Variants in SORCS1 observed in about 807,000 individuals in gnomAD.
The protein encoded by SORCS1 is VPS10 domain-containing receptor SorCS1.
Under a neutral mutation model 146.1 loss-of-function variants are expected in SORCS1, and 60 were observed. The observed-to-expected ratio is 0.41, with a 90% CI of 0.33 to 0.51. SORCS1 has a LOEUF of 0.51. Ranked by LOEUF, SORCS1 falls within the 20% of genes least tolerant of loss-of-function variation. The pLI, the probability that SORCS1 is intolerant of heterozygous loss-of-function variation, is 0.21. For missense variants in SORCS1, 1,352 were observed against 1,487.6 expected (o/e 0.91, Z 1.50); for synonymous variants, 637 against 584.0 (o/e 1.09, Z -1.31).
upstream of SORCS1, among the ~76,000 whole-genome samples, chr10:107,168,997 C>T (rs1970106826): frequency 6.6e-6 from 1 of 152,038 alleles, no homozygotes; most frequent in African/African-American, 2.4e-5. Context: ...ATATACTCCC[C>T]ATTTCTATTT....
Position 106,610,780 on chromosome 10 carries a change from C to T in SORCS1, c.3033+1131G>A, listed in dbSNP as rs747017598. Reference sequence around the variant, plus strand: ...CGGCTATCCCACTCCTCTGCTCACTCATGAAAGTAGAATAAGGGGCCGACG... The same window carrying T: ...CGGCTATCCCACTCCTCTGCTCACTTATGAAAGTAGAATAAGGGGCCGACG... On this transcript the variant is annotated intron_variant, in intron 22 of 25. Transcript: ENST00000263054. 4.0e-4 allele frequency among the ~76,000 whole-genome samples: 61 copies of T among 152,192 alleles called. 3 individuals carry two copies. Among genetic ancestry groups the T allele is most frequent in the Non-Finnish European group, 8.8e-5 (6 of 68,040 alleles).
chr10:106,991,860 C>T (rs1956784979), intron 1 of SORCS1, among the ~76,000 whole-genome samples: 1 of 152,146 alleles, frequency 6.6e-6, no homozygotes, highest in Admixed American at 6.6e-5. Flanking sequence ...TTTGCAGCTT[C>T]CTTTTACAAC....
chr10:106,862,582 G>A (rs1316762675), intron 2 of SORCS1, among the ~76,000 whole-genome samples: 1 of 151,914 alleles, frequency 6.6e-6, no homozygotes, highest in Non-Finnish European at 1.5e-5. Context: ...AACACACACA[G>A]TTTACCTTCC....
intron 2 of SORCS1, among the ~76,000 whole-genome samples, chr10:106,839,950 A>C (rs1462707758): frequency 6.6e-6 from 1 of 152,194 alleles, no homozygotes; most frequent in African/African-American, 2.4e-5. Context: ...CTCAGATAAA[A>C]AGATTCCTTT....
At chr10:106,866,448 A>G (rs1950224228) in intron 2 of SORCS1, among the ~76,000 whole-genome samples, 1 of 152,150 alleles carries the variant, frequency 6.6e-6, no homozygotes, top group Non-Finnish European at 1.5e-5. Flanking sequence ...AGACATGCAA[A>G]AGACCTTTAG....
chr10:106,786,508 T>C (rs979202096), intron 3 of SORCS1, among the ~76,000 whole-genome samples: 3 of 152,162 alleles, frequency 2.0e-5, no homozygotes, highest in Non-Finnish European at 4.4e-5. Flanking sequence ...GATCAAGTAT[T>C]CCAAAGGGCT....
intron 2 of SORCS1, among the ~76,000 whole-genome samples, chr10:106,847,798 T>C (rs1458040091): frequency 7.7e-6 from 1 of 130,080 alleles, no homozygotes; most frequent in Non-Finnish European, 1.7e-5. Flanking sequence ...TTGTTCTCGT[T>C]GGTTTCAAAG....
intron 1 of SORCS1, among the ~76,000 whole-genome samples, chr10:106,958,493 T>C (rs1183649820): frequency 6.6e-6 from 1 of 152,188 alleles, no homozygotes; most frequent in East Asian, 1.9e-4. Flanking sequence ...AGTGAACACA[T>C]TCTTAACTTT....
chr10:106,981,782 A>G (rs1564884681), intron 1 of SORCS1, among the ~76,000 whole-genome samples: 1 of 152,202 alleles, frequency 6.6e-6, no homozygotes, highest in Non-Finnish European at 1.5e-5. Context: ...ATTGCCAAGG[A>G]GCATATAACA....
chr10:106,826,249 T>A (rs1948299148), intron 3 of SORCS1, among the ~76,000 whole-genome samples: 1 of 152,244 alleles, frequency 6.6e-6, no homozygotes, highest in African/African-American at 2.4e-5. Context: ...TACCCTGATG[T>A]TGTCAGTTTT....
intron 2 of SORCS1, among the ~76,000 whole-genome samples, chr10:106,895,855 CAACAATAGCA>C (rs1951452881): frequency 6.6e-6 from 1 of 151,898 alleles, no homozygotes; most frequent in East Asian, 1.9e-4. Flanking sequence ...CAACAATAGC[CAACAATAGCA>C]ACTCAACTAC....
intron 5 of SORCS1, among the ~76,000 whole-genome samples, chr10:106,749,693 G>A (rs950894483): frequency 3.3e-5 from 5 of 152,080 alleles, no homozygotes; most frequent in Non-Finnish European, 7.4e-5. Flanking sequence ...TTATTCAATC[G>A]AATCAAAATG....
chr10:107,124,861 C>T, intron 1 of SORCS1, among the ~76,000 whole-genome samples: 1 of 152,102 alleles, frequency 6.6e-6, no homozygotes, highest in Non-Finnish European at 1.5e-5. Flanking sequence ...GAAGTGTCAG[C>T]CTTTTGGTCA....
chr10:106,691,314 G>C (rs1353494405), intron 9 of SORCS1, among the ~76,000 whole-genome samples: 1 of 152,114 alleles, frequency 6.6e-6, no homozygotes, highest in Admixed American at 6.6e-5. Flanking sequence ...TTGGAAGTCT[G>C]TCCTCCTTTG....
intron 5 of SORCS1, among the ~76,000 whole-genome samples, chr10:106,750,406 T>G (rs13376943): frequency 0.21 from 31,116 of 151,686 alleles, 3,801 homozygotes; most frequent in East Asian, 0.48. Flanking sequence ...AATTTGAAGG[T>G]AAAACTTGCT....
rs749595942 is a variant in SORCS1 at position 106,679,679 on chromosome 10, C to T, written c.1616G>A (p.Gly539Glu). 2.6e-5 allele frequency: 42 copies of T among 1,612,608 alleles called. No homozygotes were observed. The highest frequency in any genetic ancestry group is 3.4e-5 in the Non-Finnish European group (40 of 1,179,356). ...LKVSENPYTS[G>E]IIASKDTAPS... is the part of the protein sequence containing the mutation. Reference sequence around the variant, plus strand: ...AGCTGTGTCTTTGCTGGCAATGATCCCTGATGTGTAGGGATTCTCAGAGAC... The same window carrying T: ...AGCTGTGTCTTTGCTGGCAATGATCTCTGATGTGTAGGGATTCTCAGAGAC... Residue 539 changes from glycine (G) to glutamate (E), a missense_variant, in exon 11 of 26, where the codon GGG becomes GAG. By Grantham distance (98) the Gly-to-Glu change is moderately conservative. Around this residue, in one of 3 missense-constraint regions of SORCS1, gnomAD observed 648 missense variants for 793.8 expected, o/e 0.82. Coordinates refer to ENST00000263054, the MANE Select transcript of SORCS1 (RefSeq NM_052918.5).
intron 18 of SORCS1, among the ~76,000 whole-genome samples, chr10:106,648,669 C>A (rs1849631450): frequency 6.6e-6 from 1 of 151,918 alleles, no homozygotes; most frequent in African/African-American, 2.4e-5. Flanking sequence ...ACAGATATTG[C>A]TATGGAAGGA....
chr10:106,757,289 T>C (rs1387415613), intron 5 of SORCS1, among the ~76,000 whole-genome samples: 1 of 152,178 alleles, frequency 6.6e-6, no homozygotes, highest in Non-Finnish European at 1.5e-5. Context: ...TCTATGTTAT[T>C]ACCCATGGTA....
At chr10:106,724,341 T>C (rs1855999426) in intron 6 of SORCS1, among the ~76,000 whole-genome samples, 1 of 151,990 alleles carries the variant, frequency 6.6e-6, no homozygotes, top group African/African-American at 2.4e-5. Flanking sequence ...ACCCCATCTC[T>C]ACTAAAAATA....
Sources: allele counts gnomAD v4.1 joint callset (sites outside exome capture counted in the v4.1 genomes callset), GRCh38; gene constraint gnomAD v4.1.1; regional missense constraint gnomAD v4.1.1; transcripts MANE v1.5; gene names NCBI Gene and HGNC (gene_info 2026-07-23, HGNC 2026-07-21).